Variants in VSNL1 observed in about 807,000 individuals in gnomAD.
VSNL1 encodes visinin like 1.
VSNL1 carries 6 observed loss-of-function variants against 20.4 expected under a neutral mutation model. The observed-to-expected ratio is 0.29, with a 90% CI of 0.16 to 0.58. The LOEUF is 0.58. Ranked by LOEUF, VSNL1 falls within the 20% of genes least tolerant of loss-of-function variation. VSNL1 has a pLI of 0.90. For missense variants in VSNL1, 100 were observed against 234.5 expected, an observed-to-expected ratio of 0.43 and a Z score of 3.75; for synonymous variants, 93 against 86.4, an observed-to-expected ratio of 1.08 and a Z score of -0.42.
chr2:17,588,155 A>C (rs1225243335), intron 1 of VSNL1, among the ~76,000 whole-genome samples: 2 of 151,896 alleles, frequency 1.3e-5, no homozygotes, highest in Non-Finnish European at 2.9e-5. Context: ...AAAGTAATAC[A>C]CTCCGGTTTC....
chr2:17,654,071 T>TA (rs1415165648), intron 3 of VSNL1, among the ~76,000 whole-genome samples: 4 of 152,218 alleles, frequency 2.6e-5, no homozygotes, highest in East Asian at 1.9e-4. Flanking sequence ...ATAGTATATA[T>TA]TTTTTTACCG....
intron 2 of VSNL1, among the ~76,000 whole-genome samples, chr2:17,594,113 C>T (rs1275326551): frequency 6.6e-6 from 1 of 152,180 alleles, no homozygotes; most frequent in Non-Finnish European, 1.5e-5. Flanking sequence ...GTATGTAGCA[C>T]TGAAAAAGCA....
chr2:17,570,983 G>A (rs1664068775), intron 1 of VSNL1, among the ~76,000 whole-genome samples: 2 of 151,934 alleles, frequency 1.3e-5, no homozygotes, highest in South Asian at 2.1e-4. Context: ...CCGAGATTGC[G>A]CCACTGCACT....
intron 2 of VSNL1, among the ~76,000 whole-genome samples, chr2:17,618,877 C>G (rs1354438229): frequency 6.6e-6 from 1 of 152,136 alleles, no homozygotes; most frequent in Non-Finnish European, 1.5e-5. Context: ...GGGAATGGCT[C>G]CAGGCATATG....
chr2:17,655,203 T>G lies in VSNL1; in HGVS notation c.385T>G (p.Tyr129Asp). 1 of 1,613,974 alleles carries G rather than the reference T, an allele frequency of 6.2e-7. No homozygotes were observed. The highest frequency in any genetic ancestry group is 8.5e-7 in the Non-Finnish European group (1 of 1,179,990). ...CAATGCTTTTTTCCCCAAGGCTATCTACAAAATGGTAGGCACTGTGATCAT... is the reference window on the plus strand; with the variant it reads ...CAATGCTTTTTTCCCCAAGGCTATCGACAAAATGGTAGGCACTGTGATCAT... ...VEMLEIIEAI[Y>D]KMVGTVIMMK... Residue 129 changes from tyrosine to aspartate, a missense_variant, in exon 4 of 4, where the codon TAC becomes GAC. Physicochemically the swap from Tyr to Asp is radical, Grantham distance 160. Transcript: ENST00000295156. The surrounding 1 kb of genome is among the most constrained non-coding windows in gnomAD (Gnocchi z 5.2).
At chr2:17,616,104 C>T (rs1665210143) in intron 2 of VSNL1, among the ~76,000 whole-genome samples, 2 of 152,236 alleles carry the variant, frequency 1.3e-5, no homozygotes, top group South Asian at 4.1e-4. Context: ...GGCCCACTAA[C>T]TTTCCTTCCT....
chr2:17,585,521 A>C (rs1009647838), intron 1 of VSNL1, among the ~76,000 whole-genome samples: 1 of 151,782 alleles, frequency 6.6e-6, no homozygotes, highest in Non-Finnish European at 1.5e-5. Context: ...GGTTGTTTCA[A>C]CATCCTTGCA....
chr2:17,607,884 A>G (rs1664985335), intron 2 of VSNL1, among the ~76,000 whole-genome samples: 2 of 152,270 alleles, frequency 1.3e-5, no homozygotes, highest in Non-Finnish European at 1.5e-5. Context: ...GAACCTTTTC[A>G]ATACAGAATG....
chr2:17,625,801 C>T (rs1665496230), intron 2 of VSNL1, among the ~76,000 whole-genome samples: 1 of 151,150 alleles, frequency 6.6e-6, no homozygotes, highest in African/African-American at 2.4e-5. Flanking sequence ...CAGTAAGTTC[C>T]TTACGGAACT....
chr2:17,610,496 A>G (rs2103392771), intron 2 of VSNL1, among the ~76,000 whole-genome samples: 1 of 152,348 alleles, frequency 6.6e-6, no homozygotes, highest in South Asian at 2.1e-4. Context: ...AACTCCCAGC[A>G]GCAGGAAGCA....
intron 2 of VSNL1, among the ~76,000 whole-genome samples, chr2:17,643,012 G>A (rs1665914572): frequency 6.6e-6 from 1 of 152,060 alleles, no homozygotes; most frequent in African/African-American, 2.4e-5. Context: ...TTGAGGGTGG[G>A]GGTGGGCGAG....
At chr2:17,636,190 T>A (rs1463663647) in intron 2 of VSNL1, among the ~76,000 whole-genome samples, 1 of 151,876 alleles carries the variant, frequency 6.6e-6, no homozygotes, top group East Asian at 1.9e-4. Flanking sequence ...AAAGATGTCA[T>A]CAAGGTACAA....
At chr2:17,568,171 C>T (rs1663998174) in intron 1 of VSNL1, among the ~76,000 whole-genome samples, 1 of 152,082 alleles carries the variant, frequency 6.6e-6, no homozygotes, top group Admixed American at 6.6e-5. Context: ...TATTTATTTT[C>T]CTTCCTTTCT....
Position 17,649,099 on chromosome 2 carries a change from G to GA in VSNL1, c.163-310dup, listed in dbSNP as rs1349760959. Among the ~76,000 whole-genome samples, 1 of 152,180 alleles carries GA rather than the reference G, an allele frequency of 6.6e-6. No individual in the cohort carries two copies. Among genetic ancestry groups the GA allele is most frequent in the Non-Finnish European group, 1.5e-5 (1 of 68,026 alleles). On this transcript the variant is annotated intron_variant, in intron 2 of 3. Coordinates refer to ENST00000295156, the MANE Select transcript of VSNL1 (RefSeq NM_003385.5). This position sits in a 1 kb window ranked among gnomAD's most constrained non-coding sequence, Gnocchi z 6.4. ...TCTGCCTCAGTCCTGTTCCTGGGGG[G>GA]AGTGAGCTGAGATGCTGCAACACTA...
intron 1 of VSNL1, among the ~76,000 whole-genome samples, chr2:17,543,277 C>T (rs1054119971): frequency 3.3e-5 from 5 of 152,226 alleles, no homozygotes; most frequent in African/African-American, 9.7e-5. Flanking sequence ...GGAGCACTAG[C>T]GTATCAGAAT....
intron 2 of VSNL1, among the ~76,000 whole-genome samples, chr2:17,648,497 G>T (rs1666047966): frequency 6.6e-6 from 1 of 152,250 alleles, no homozygotes; most frequent in Non-Finnish European, 1.5e-5. Flanking sequence ...TGTAGTGCTT[G>T]CCTATAGAGC....
At chr2:17,574,481 T>C (rs1183731308) in intron 1 of VSNL1, among the ~76,000 whole-genome samples, 2 of 151,940 alleles carry the variant, frequency 1.3e-5, no homozygotes, top group African/African-American at 2.4e-5. Flanking sequence ...ATCTTTCTTA[T>C]TCAGATTTTA....
chr2:17,617,706 C>A (rs558473235), intron 2 of VSNL1, among the ~76,000 whole-genome samples: 59 of 152,162 alleles, frequency 3.9e-4, no homozygotes, highest in Non-Finnish European at 6.8e-4. Flanking sequence ...CAGTGAGGAG[C>A]AACACTAAGG....
At chr2:17,622,080 C>G (rs1200544083) in intron 2 of VSNL1, among the ~76,000 whole-genome samples, 2 of 152,026 alleles carry the variant, frequency 1.3e-5, no homozygotes, top group African/African-American at 2.4e-5. Context: ...GAGTCCCTCT[C>G]CTTGCCTTCC....
Sources: allele counts gnomAD v4.1 joint callset (sites outside exome capture counted in the v4.1 genomes callset), GRCh38; gene constraint gnomAD v4.1.1; non-coding constraint Gnocchi (gnomAD v3.1); transcripts MANE v1.5; gene names NCBI Gene and HGNC (gene_info 2026-07-23, HGNC 2026-07-21).